The following FANCB variants were observed in gnomAD, a reference collection of about 807,000 sequenced individuals.
FANCB encodes FA complementation group B, also known as Fanconi anemia group B protein.
In FANCB, 5 loss-of-function variants were observed where a neutral mutation model predicts 38.9. The observed-to-expected ratio is 0.13, with a 90% CI of 0.07 to 0.27. The LOEUF (loss-of-function observed/expected upper bound fraction) is 0.27, where lower values mean the gene tolerates loss of function less well. Among genes scored for constraint, FANCB ranks in the 10% least tolerant of loss-of-function variants. The pLI is 1.00. For synonymous variants in FANCB, 236 were observed against 215.4 expected (o/e 1.10, Z -0.84); for missense variants, 573 against 602.7 (o/e 0.95, Z 0.52).
At chrX:14,721,224 TTTAG>T in the FANCB span, among the ~76,000 whole-genome samples, 1 of 110,837 alleles carries the variant, frequency 9.0e-6, no homozygotes, top group African/African-American at 3.3e-5. Flanking sequence ...TAAACCCTGT[TTTAG>T]TTAGGAGGAT....
the FANCB span, among the ~76,000 whole-genome samples, chrX:14,790,121 A>G: frequency 8.9e-6 from 1 of 111,977 alleles, no homozygotes; most frequent in South Asian, 3.7e-4. Flanking sequence ...ACCAGTGAAT[A>G]CAGCAGACCA....
At chrX:14,716,645 CTA>C in the FANCB span, among the ~76,000 whole-genome samples, 5 of 111,363 alleles carry the variant, frequency 4.5e-5, no homozygotes, top group African/African-American at 6.5e-5. Flanking sequence ...GCAATGTACT[CTA>C]GAGAATAGGG....
At chrX:14,830,499 T>C in the FANCB span, among the ~76,000 whole-genome samples, 91 of 111,861 alleles carry the variant, frequency 8.1e-4, no homozygotes, top group Non-Finnish European at 8.8e-4. Flanking sequence ...TGATTCTGGT[T>C]CCCCACCCTT....
chrX:14,778,827 G>C, the FANCB span, among the ~76,000 whole-genome samples: 1 of 112,476 alleles, frequency 8.9e-6, no homozygotes, highest in Non-Finnish European at 1.9e-5. Context: ...CATAACACAT[G>C]CCAAGCATAT....
At chrX:14,703,145 G>A in the FANCB span, among the ~76,000 whole-genome samples, 56 of 112,037 alleles carry the variant, frequency 5.0e-4, no homozygotes, top group Non-Finnish European at 8.8e-4. Flanking sequence ...ATAATGGAAT[G>A]TGTAAAATTT....
chrX:14,853,246 T>C lies in FANCB; in HGVS notation c.1198-79A>G. Reference sequence around the variant, plus strand: ...GACATACCAATAATTCAGGAAATACTTTCTCCAAATGTGCTTATCAATTCA... The same window carrying C: ...GACATACCAATAATTCAGGAAATACCTTCTCCAAATGTGCTTATCAATTCA... On this transcript the variant is annotated intron_variant, in intron 5 of 9. Coordinates refer to ENST00000650831, the MANE Select transcript of FANCB (RefSeq NM_001018113.3). 4.4e-6 allele frequency: 4 copies of C among 905,852 alleles called. No individual in the cohort carries two copies. In the South Asian group the frequency reaches 8.6e-5, roughly 19 times the overall value. 74.7% of individuals were successfully genotyped at this position (905,852 alleles called of 1,213,427 possible).
chrX:14,760,563 T>C, the FANCB span, among the ~76,000 whole-genome samples: 1 of 112,028 alleles, frequency 8.9e-6, no homozygotes, highest in East Asian at 2.8e-4. Flanking sequence ...GTGAGGGATA[T>C]GCTAAATGCA....
chrX:14,867,977 T>C (rs756995416), intron 2 of FANCB, among the ~76,000 whole-genome samples: 81 of 111,196 alleles, frequency 7.3e-4, no homozygotes, highest in African/African-American at 2.4e-3. Context: ...TCACTAATCA[T>C]CAGGGAGACA....
rs6631193 is a variant in FANCB at position 14,845,898 on chromosome X, A to G, written c.1497-612T>C. On this transcript the variant is annotated intron_variant, in intron 7 of 9. Coordinates refer to ENST00000650831, the MANE Select transcript of FANCB (RefSeq NM_001018113.3). ...TACTGTAGCACATTCCAGCATTGTCAAAGTTTATCAAGTAAAACAGGTAAG... is the reference window on the plus strand; with the variant it reads ...TACTGTAGCACATTCCAGCATTGTCGAAGTTTATCAAGTAAAACAGGTAAG... 8.2e-3 allele frequency among the ~76,000 whole-genome samples: 918 copies of G among 111,966 alleles called. 12 individuals carry two copies. The highest frequency in any genetic ancestry group is 0.027 in the African/African-American group (841 of 30,915).
At chrX:14,735,140 T>G in the FANCB span, among the ~76,000 whole-genome samples, 1 of 110,006 alleles carries the variant, frequency 9.1e-6, no homozygotes, top group African/African-American at 3.3e-5. Context: ...TAACCTTTTT[T>G]TCAAGGCTCT....
At chrX:14,794,284 G>A in the FANCB span, among the ~76,000 whole-genome samples, 1 of 111,364 alleles carries the variant, frequency 9.0e-6, no homozygotes, top group South Asian at 3.8e-4. Flanking sequence ...AAAGAATGAT[G>A]AAAGATGGAA....
At chrX:14,789,813 A>G in the FANCB span, among the ~76,000 whole-genome samples, 1 of 112,107 alleles carries the variant, frequency 8.9e-6, no homozygotes, top group Admixed American at 9.5e-5. Context: ...TGGTAGGGTC[A>G]ATCATTAGTC....
At chrX:14,724,147 C>T in the FANCB span, among the ~76,000 whole-genome samples, 6 of 111,274 alleles carry the variant, frequency 5.4e-5, no homozygotes, top group African/African-American at 9.8e-5. Context: ...TATATGCATT[C>T]GTATATGTAT....
At chrX:14,834,804 T>C, downstream of FANCB, 1 of 570,885 alleles carries the variant, frequency 1.8e-6, no homozygotes, top group Non-Finnish European at 3.0e-6. Flanking sequence ...TTCAGTTTCC[T>C]CATCATCAAA....
chrX:14,712,419 C>T, the FANCB span, among the ~76,000 whole-genome samples: 1 of 111,507 alleles, frequency 9.0e-6, no homozygotes, highest in Non-Finnish European at 1.9e-5. Flanking sequence ...CTCCACTAAT[C>T]GCACACTGAC....
chrX:14,717,551 T>G, the FANCB span, among the ~76,000 whole-genome samples: 1 of 111,281 alleles, frequency 9.0e-6, no homozygotes. Flanking sequence ...TGCTCTAATA[T>G]TTATTTGTAG....
At chrX:14,733,170 A>G in the FANCB span, among the ~76,000 whole-genome samples, 2 of 111,865 alleles carry the variant, frequency 1.8e-5, no homozygotes, top group Admixed American at 1.9e-4. Flanking sequence ...GTCAAAGATC[A>G]GATGGTTGTA....
chrX:14,720,065 C>A, the FANCB span, among the ~76,000 whole-genome samples: 2 of 111,185 alleles, frequency 1.8e-5, no homozygotes, highest in African/African-American at 6.6e-5. Flanking sequence ...GGAATAGGGA[C>A]AGTTTGATTA....
the FANCB span, chrX:14,730,443 C>T: frequency 1.7e-6 from 2 of 1,206,888 alleles, no homozygotes; most frequent in South Asian, 3.5e-5. Flanking sequence ...TTTACTGGAT[C>T]ACATACAAGA....
Sources: gnomAD v4.1 joint callset for allele counts (sites outside exome capture counted in the v4.1 genomes callset) on GRCh38, gnomAD v4.1.1 for gene constraint, MANE v1.5 for transcripts, NCBI Gene and HGNC (gene_info 2026-07-23, HGNC 2026-07-21) for gene names.